OSBPL2: variants seen among roughly 807,000 people sequenced by gnomAD.
OSBPL2 encodes oxysterol binding protein like 2.
OSBPL2 carries 18 observed loss-of-function variants against 58.4 expected under a neutral mutation model. That is an observed-to-expected ratio of 0.31 (90% CI 0.21 to 0.46). The LOEUF (loss-of-function observed/expected upper bound fraction) is 0.46. Among genes scored for constraint, OSBPL2 ranks in the 20% least tolerant of loss-of-function variants. The pLI is 1.00. For synonymous variants in OSBPL2, 221 were observed against 234.1 expected (o/e 0.94, Z 0.51); for missense variants, 461 against 616.5 (o/e 0.75, Z 2.67).
chr20:62,258,718 G>A (rs1287906000), intron 2 of OSBPL2, among the ~76,000 whole-genome samples: 1 of 152,208 alleles, frequency 6.6e-6, no homozygotes, highest in Non-Finnish European at 1.5e-5. Context: ...GTCAGAGGCT[G>A]CAGTGGCTGC....
At position 62,265,390 on chromosome 20, in the gene OSBPL2, C is replaced by T. The variant is rs559539206; in HGVS notation, c.258+1699C>T. ...AGAGTTCTTCTAGGTTGGTTTCCCC[C>T]TTCTGCTGAACCCCCATCCTTTTCT... is the stretch of plus-strand genomic sequence containing the variant. On this transcript the variant is annotated intron_variant, in intron 4 of 13. Coordinates refer to ENST00000313733, the MANE Select transcript of OSBPL2 (RefSeq NM_144498.4). Among the ~76,000 whole-genome samples, 17 of 152,274 alleles carry T rather than the reference C, an allele frequency of 1.1e-4. No individual in the cohort carries two copies. In the South Asian group the frequency reaches 2.7e-3, roughly 24 times the overall value.
chr20:62,273,125 G>A (rs575317076), intron 5 of OSBPL2, among the ~76,000 whole-genome samples, 184 bp from the exon 6 acceptor site: 3 of 152,306 alleles, frequency 2.0e-5, no homozygotes, highest in South Asian at 2.1e-4. Context: ...GGGGAGTGGC[G>A]GGTGATGAAG....
intron 6 of OSBPL2, 91 bp from the exon 7 acceptor site, chr20:62,279,066 G>T: frequency 9.0e-7 from 1 of 1,110,112 alleles, no homozygotes; most frequent in Non-Finnish European, 1.3e-6. Context: ...GCTTCCCAGC[G>T]TCCTGTGAGG....
In OSBPL2 at chr20:62,289,307, G is replaced by A. The variant is rs1216507083; in HGVS notation, c.1226G>A (p.Arg409His). ...PTDCRLRPDI[R>H]GMENGNMDLA... Reference sequence around the variant, plus strand: ...GACTGCCGCCTGCGCCCTGACATCCGCGGCATGGAGAATGGCAACATGGGT... The same window carrying A: ...GACTGCCGCCTGCGCCCTGACATCCACGGCATGGAGAATGGCAACATGGGT... Residue 409 changes from arginine to histidine, a missense_variant, in exon 12 of 14, where the codon CGC (arginine) becomes CAC (histidine). This residue lies in a region of OSBPL2 where 319 missense variants were observed against 419.2 expected (regional missense o/e 0.76). Coordinates refer to ENST00000313733, the MANE Select transcript of OSBPL2 (RefSeq NM_144498.4). The A allele has an allele frequency of 1.9e-6, 3 of 1,612,818 alleles. No individual in the cohort carries two copies. Among genetic ancestry groups the A allele is most frequent in the African/African-American group, 1.3e-5 (1 of 74,912 alleles).
intron 1 of OSBPL2, among the ~76,000 whole-genome samples, chr20:62,254,545 CAG>C (rs1363936922): frequency 2.0e-5 from 3 of 152,244 alleles, no homozygotes; most frequent in Non-Finnish European, 2.9e-5. Context: ...GAGAGTCTCT[CAG>C]GGGACGTGGT....
At chr20:62,275,624 T>C (rs1982338995) in intron 6 of OSBPL2, among the ~76,000 whole-genome samples, 1 of 152,184 alleles carries the variant, frequency 6.6e-6, no homozygotes, top group Non-Finnish European at 1.5e-5. Flanking sequence ...ATTTTTGTAT[T>C]TTCAGTAGAG....
chr20:62,266,433 A>T (rs1981661992), intron 4 of OSBPL2, among the ~76,000 whole-genome samples: 1 of 152,180 alleles, frequency 6.6e-6, no homozygotes, highest in African/African-American at 2.4e-5. Flanking sequence ...ACATAGACAG[A>T]CTCAGACAGT....
chr20:62,261,924 A>T (rs1200448405), intron 3 of OSBPL2, among the ~76,000 whole-genome samples: 3 of 151,966 alleles, frequency 2.0e-5, no homozygotes, highest in Admixed American at 6.5e-5. Flanking sequence ...ATGCCTGGCT[A>T]ATTTTTGTAT....
At position 62,260,052 on chromosome 20, in the gene OSBPL2, G is replaced by C. The variant is rs149536745; in HGVS notation, c.109G>C (p.Asp37His). ...GAAAGTCACGGGAATGATTGACTTA[G>C]ACACCAGCAAAAATAATAGGATTGG... ...NQKVTGMIDL[D>H]TSKNNRIGKT... Residue 37 changes from aspartate to histidine, a missense_variant, in exon 3 of 14, where the codon GAC becomes CAC. Asp to His is a moderately conservative substitution (Grantham distance 81). Around this residue, in one of 5 missense-constraint regions of OSBPL2, gnomAD observed 80 missense variants for 74.8 expected, o/e 1.07. Transcript: ENST00000313733. 1.2e-6 allele frequency: 2 copies of C among 1,613,582 alleles called. No individual in the cohort carries two copies. Among genetic ancestry groups the C allele is most frequent in the African/African-American group, 2.7e-5 (2 of 74,904 alleles).
chr20:62,289,129 G>T (rs976392385), intron 11 of OSBPL2, 78 bp from the exon 12 acceptor site: 1 of 1,529,162 alleles, frequency 6.5e-7, no homozygotes, highest in African/African-American at 1.4e-5. Context: ...GGATTTCAGG[G>T]GCCCACTGGG....
At chr20:62,264,606 T>A (rs1981546782) in intron 4 of OSBPL2, 1 of 152,202 alleles carries the variant, frequency 6.6e-6, no homozygotes, top group Non-Finnish European at 1.5e-5. Context: ...TTTTCTTAAC[T>A]TTTTATTTTG....
rs374871254 is a variant in OSBPL2 at position 62,290,700 on chromosome 20, A to G, written c.1250-1003A>G. ...CTCCCAGAGTGCTGGGATTACAGGC[A>G]TGAACCACTGTGCCTGGCCAGGTTT... On this transcript the variant is annotated intron_variant, in intron 12 of 13. Coordinates refer to ENST00000313733, the MANE Select transcript of OSBPL2 (RefSeq NM_144498.4). Among the ~76,000 whole-genome samples, 817 of 146,934 alleles carry G rather than the reference A, an allele frequency of 5.6e-3. 26 individuals carry two copies. Among genetic ancestry groups the G allele is most frequent in the Admixed American group, 0.05 (737 of 14,748 alleles).
At chr20:62,267,807 G>T (rs1469207857) in intron 4 of OSBPL2, among the ~76,000 whole-genome samples, 1 of 152,192 alleles carries the variant, frequency 6.6e-6, no homozygotes, top group African/African-American at 2.4e-5. Flanking sequence ...TCTTTGCTGA[G>T]ACAGCACATG....
chr20:62,258,229 G>A (rs983371268), intron 2 of OSBPL2, among the ~76,000 whole-genome samples: 7 of 152,130 alleles, frequency 4.6e-5, no homozygotes, highest in Non-Finnish European at 8.8e-5. Context: ...CTCAGTTCTT[G>A]GGCTTCAAAA....
rs968011265 is a variant in OSBPL2 at position 62,295,619 on chromosome 20, G to T, written c.*1732G>T. ...GAACAGAACCGCTCCGTGACTGGTA[G>T]CTGGGTCTGAGGATTCAGGATTGTG... On this transcript the variant is annotated 3_prime_UTR_variant, in exon 14 of 14. Coordinates refer to ENST00000313733, the MANE Select transcript of OSBPL2 (RefSeq NM_144498.4). The surrounding 1 kb of genome is among the most constrained non-coding windows in gnomAD (Gnocchi z 4.8). 6.6e-6 allele frequency: 1 copy of T among 152,210 alleles called. No individual in the cohort carries two copies. Among genetic ancestry groups the T allele is most frequent in the Admixed American group, 6.5e-5 (1 of 15,280 alleles). 9.4% of individuals were successfully genotyped at this position (152,210 alleles called of 1,614,324 possible). A position where few individuals can be genotyped will look rare whatever the true frequency, so the allele number is the denominator to read the frequency against.
In OSBPL2 at chr20:62,272,411, G is replaced by A. The variant is rs563396183; in HGVS notation, c.393+152G>A. 146 of 833,678 alleles carry A rather than the reference G, an allele frequency of 1.8e-4. 1 individual carries two copies. The highest frequency in any genetic ancestry group is 1.5e-3 in the Middle Eastern group (4 of 2,720). 51.6% of individuals were successfully genotyped at this position (833,678 alleles called of 1,614,324 possible). ...ATCCTGCCTGGCGGTCGTGGCATTT[G>A]TCCTGTCACCACAGGTGTGTGATGA... On this transcript the variant is annotated intron_variant, in intron 5 of 13. Transcript: ENST00000313733.
intron 1 of OSBPL2, among the ~76,000 whole-genome samples, chr20:62,245,721 G>A (rs1418867616): frequency 1.3e-5 from 2 of 152,220 alleles, no homozygotes; most frequent in South Asian, 2.1e-4. Flanking sequence ...CCAGTCGTAC[G>A]TGCCTCACTC....
intron 7 of OSBPL2, chr20:62,279,923 G>C: frequency 7.7e-7 from 1 of 1,296,044 alleles, no homozygotes; most frequent in South Asian, 1.2e-5. Context: ...ACTTAGGGTT[G>C]GAATTTGAAA....
At chr20:62,252,280 T>C (rs1283962545) in intron 1 of OSBPL2, among the ~76,000 whole-genome samples, 3 of 152,194 alleles carry the variant, frequency 2.0e-5, no homozygotes, top group African/African-American at 7.2e-5. Flanking sequence ...GACACGCATG[T>C]GCACCCGTGA....
Sources: allele counts gnomAD v4.1 joint callset (sites outside exome capture counted in the v4.1 genomes callset), GRCh38; gene constraint gnomAD v4.1.1; regional missense constraint gnomAD v4.1.1; non-coding constraint Gnocchi (gnomAD v3.1); transcripts MANE v1.5; gene names NCBI Gene and HGNC (gene_info 2026-07-23, HGNC 2026-07-21).